The following KRABD2 variants were observed in gnomAD, a reference collection of about 807,000 sequenced individuals.
KRABD2 encodes the protein KRAB domain-containing protein 2.
chr17:8,371,610 A>G, the KRABD2 span: 1 of 1,480,240 alleles, frequency 6.8e-7, no homozygotes, highest in Non-Finnish European at 9.0e-7. Flanking sequence ...ATCTAACAAG[A>G]TGAGTACAGC....
At chr17:8,374,372 A>T in the KRABD2 span, among the ~76,000 whole-genome samples, 9 of 152,268 alleles carry the variant, frequency 5.9e-5, no homozygotes, top group African/African-American at 1.9e-4. Context: ...ACTCAGGGTT[A>T]AATGGATTAA....
the KRABD2 span, among the ~76,000 whole-genome samples, chr17:8,362,255 G>C: frequency 6.6e-6 from 1 of 152,050 alleles, no homozygotes; most frequent in African/African-American, 2.4e-5. This position sits in a 1 kb window ranked among gnomAD's most constrained non-coding sequence, Gnocchi z 4.2. Context: ...GCGTGAACCC[G>C]GGAGGTGGAG....
the KRABD2 span, among the ~76,000 whole-genome samples, chr17:8,374,457 A>G: frequency 3.3e-5 from 5 of 151,834 alleles, no homozygotes; most frequent in African/African-American, 9.7e-5. Context: ...ACCACTCCCT[A>G]ATCTCAAGTA....
the KRABD2 span, among the ~76,000 whole-genome samples, chr17:8,368,208 A>T: frequency 4.6e-5 from 7 of 152,174 alleles, no homozygotes; most frequent in African/African-American, 1.7e-4. Flanking sequence ...TCGAGATGAG[A>T]TCATCCTCAT....
the KRABD2 span, chr17:8,372,186 A>C: frequency 2.7e-6 from 1 of 365,928 alleles, no homozygotes; most frequent in Non-Finnish European, 3.8e-6. This position sits in a 1 kb window ranked among gnomAD's most constrained non-coding sequence, Gnocchi z 4.1. Flanking sequence ...AAAGGGCTTC[A>C]AACTCCCTTC....
At chr17:8,364,247 T>C in the KRABD2 span, among the ~76,000 whole-genome samples, 7 of 152,224 alleles carry the variant, frequency 4.6e-5, no homozygotes, top group Non-Finnish European at 1.0e-4. The surrounding 1 kb of genome is among the most constrained non-coding windows in gnomAD (Gnocchi z 4.4). Flanking sequence ...GACAGCCAAT[T>C]GATCCAGCCC....
At chr17:8,365,245 C>T in the KRABD2 span, among the ~76,000 whole-genome samples, 8 of 152,074 alleles carry the variant, frequency 5.3e-5, no homozygotes, top group African/African-American at 1.9e-4. Flanking sequence ...ACCCAGGCAT[C>T]TCTGGGAAAG....
the KRABD2 span, among the ~76,000 whole-genome samples, chr17:8,375,137 G>A: frequency 1.1e-3 from 160 of 151,318 alleles, no homozygotes; most frequent in Non-Finnish European, 1.8e-3. Context: ...TCAGCCTCCC[G>A]AGTGGCCGGG....
chr17:8,365,035 GAAA>G, the KRABD2 span, among the ~76,000 whole-genome samples: 1 of 148,520 alleles, frequency 6.7e-6, no homozygotes, highest in Non-Finnish European at 1.5e-5. Context: ...ACTCTGTTTA[GAAA>G]AAAAAAAAAT....
the KRABD2 span, chr17:8,370,339 G>T: frequency 1.2e-6 from 2 of 1,603,942 alleles, no homozygotes; most frequent in Non-Finnish European, 1.7e-6. Flanking sequence ...ACCCCAGGTG[G>T]ATCATTTCCA....
the KRABD2 span, chr17:8,368,964 T>G: frequency 8.5e-7 from 1 of 1,172,256 alleles, no homozygotes; most frequent in Non-Finnish European, 1.1e-6. Context: ...ATGGCAGCCC[T>G]AAGAATAAAT....
chr17:8,361,081 C>T, the KRABD2 span, among the ~76,000 whole-genome samples: 1 of 152,078 alleles, frequency 6.6e-6, no homozygotes, highest in Non-Finnish European at 1.5e-5. Context: ...TTCCTTCTAC[C>T]CCTAGAGCTG....
the KRABD2 span, chr17:8,376,130 AC>A: frequency 8.1e-7 from 1 of 1,231,656 alleles, no homozygotes; most frequent in Non-Finnish European, 1.0e-6. Context: ...GGAGGCTTCT[AC>A]CTGCCTGTAC....
the KRABD2 span, chr17:8,359,958 C>CAA: frequency 5.0e-6 from 2 of 399,648 alleles, no homozygotes; most frequent in Non-Finnish European, 1.0e-5. Flanking sequence ...AGGAAAGAGG[C>CAA]AAACATCTGG....
At chr17:8,370,021 G>A in the KRABD2 span, 71 of 1,614,044 alleles carry the variant, frequency 4.4e-5, no homozygotes, top group Admixed American at 1.1e-3. Flanking sequence ...TGTGTATCAT[G>A]AAGAATATCA....
chr17:8,361,650 T>G, the KRABD2 span, among the ~76,000 whole-genome samples: 1 of 152,194 alleles, frequency 6.6e-6, no homozygotes, highest in African/African-American at 2.4e-5. Context: ...CTTGACCTCC[T>G]GGGCTCAAGA....
At chr17:8,362,889 G>A in the KRABD2 span, among the ~76,000 whole-genome samples, 1 of 152,180 alleles carries the variant, frequency 6.6e-6, no homozygotes, top group South Asian at 2.1e-4. This position sits in a 1 kb window ranked among gnomAD's most constrained non-coding sequence, Gnocchi z 4.2. Context: ...TTTTATAACA[G>A]CCTCAGAAGC....
chr17:8,359,302 C>T, the KRABD2 span, among the ~76,000 whole-genome samples: 1 of 152,268 alleles, frequency 6.6e-6, no homozygotes, highest in African/African-American at 2.4e-5. Context: ...GGTCTCTGAG[C>T]GAGGATCCTG....
chr17:8,365,625 G>A, the KRABD2 span: 5 of 152,268 alleles, frequency 3.3e-5, no homozygotes, highest in African/African-American at 1.2e-4. Context: ...GTGGAGGACA[G>A]GGTCCGCAAA....
Sources: allele counts gnomAD v4.1 joint callset (sites outside exome capture counted in the v4.1 genomes callset), GRCh38; gene constraint gnomAD v4.1.1; non-coding constraint Gnocchi (gnomAD v3.1); transcripts MANE v1.5; gene names NCBI Gene and HGNC (gene_info 2026-07-23, HGNC 2026-07-21).